PTPN3: variants seen among roughly 807,000 people sequenced by gnomAD.
PTPN3 encodes protein tyrosine phosphatase non-receptor type 3, also known as tyrosine-protein phosphatase non-receptor type 3.
In PTPN3, 96 loss-of-function variants were observed where a neutral mutation model predicts 132.7. The observed-to-expected ratio is 0.72, with a 90% CI of 0.61 to 0.86. The LOEUF is 0.86. Ranked by LOEUF, PTPN3 falls within the 40% of genes least tolerant of loss-of-function variation. PTPN3 has a pLI of 0.00. For missense variants in PTPN3, 1,125 were observed against 1,159.6 expected, an observed-to-expected ratio of 0.97 and a Z score of 0.43; for synonymous variants, 398 against 429.0, an observed-to-expected ratio of 0.93 and a Z score of 0.89.
chr9:109,513,225 T>C, the PTPN3 span, among the ~76,000 whole-genome samples: 1 of 152,102 alleles, frequency 6.6e-6, no homozygotes, highest in Admixed American at 6.5e-5. Flanking sequence ...CTGCTGTGTT[T>C]CCCAGGCTGG....
intron 1 of PTPN3, among the ~76,000 whole-genome samples, chr9:109,486,522 A>G (rs1268043560): frequency 6.6e-6 from 1 of 152,108 alleles, no homozygotes; most frequent in Non-Finnish European, 1.5e-5. Flanking sequence ...TATGGGGGAC[A>G]AGTGAAGAGT....
chr9:109,389,401 A>G lies in PTPN3; in HGVS notation c.2107-22T>C, dbSNP rs1588299264. The G allele has an allele frequency of 1.9e-6, 3 of 1,607,302 alleles. No homozygotes were observed. The East Asian group carries it at 6.7e-5, about 36-fold the overall frequency. ...CCATCTGGTAAGAAATTGGTAAAGT[A>G]TTAGAATCTGTTGCTGCCCCAGGGT... On this transcript the variant is annotated intron_variant, in intron 21 of 25. Coordinates refer to ENST00000374541, the MANE Select transcript of PTPN3 (RefSeq NM_002829.4).
intron 18 of PTPN3, 86 bp downstream of exon 18, chr9:109,406,376 A>G: frequency 6.9e-7 from 1 of 1,440,930 alleles, no homozygotes; most frequent in East Asian, 2.3e-5. Flanking sequence ...CAAACTCAAC[A>G]TTTTCAAGAG....
At chr9:109,408,796 A>AAAAATATATATATATATATAT (rs1377996219) in intron 16 of PTPN3, among the ~76,000 whole-genome samples, 1 of 108,374 alleles carries the variant, frequency 9.2e-6, no homozygotes, top group African/African-American at 3.7e-5. Context: ...AAAAAAAAAA[A>AAAAATATATATATATATATAT]ATATATATAT....
At chr9:109,396,433 C>G (rs1284105513) in intron 19 of PTPN3, among the ~76,000 whole-genome samples, 1 of 151,980 alleles carries the variant, frequency 6.6e-6, no homozygotes, top group Non-Finnish European at 1.5e-5. Context: ...TTGGTTATTC[C>G]TGGGCTGAAG....
intron 22 of PTPN3, among the ~76,000 whole-genome samples, chr9:109,388,846 A>C (rs1314333346): frequency 6.6e-6 from 1 of 152,170 alleles, no homozygotes; most frequent in Non-Finnish European, 1.5e-5. Context: ...GAGCTGCCCA[A>C]ATGGATTCTA....
At chr9:109,393,112 C>A (rs1414778283) in intron 19 of PTPN3, among the ~76,000 whole-genome samples, 3 of 152,124 alleles carry the variant, frequency 2.0e-5, no homozygotes, top group Non-Finnish European at 4.4e-5. Flanking sequence ...CTAATTTGGC[C>A]GTGGAAAATC....
intron 9 of PTPN3, among the ~76,000 whole-genome samples, chr9:109,436,284 T>C (rs1055225498): frequency 8.5e-5 from 13 of 152,208 alleles, no homozygotes; most frequent in African/African-American, 3.1e-4. Context: ...CTCGGTTATG[T>C]CCCTGAGTAT....
At chr9:109,433,393 G>T (rs1843799005) in intron 9 of PTPN3, among the ~76,000 whole-genome samples, 1 of 152,170 alleles carries the variant, frequency 6.6e-6, no homozygotes, top group Non-Finnish European at 1.5e-5. Context: ...GGGTGCCACT[G>T]GTCTAGAAAG....
At chr9:109,457,480 G>A in intron 2 of PTPN3, 81 bp from the exon 3 acceptor site, 2 of 1,122,338 alleles carry the variant, frequency 1.8e-6, no homozygotes, top group Non-Finnish European at 1.3e-6. Flanking sequence ...GCAAAAAAGA[G>A]TTAAAATATT....
intron 5 of PTPN3, chr9:109,450,150 CTAATAT>C: frequency 1.0e-6 from 1 of 984,658 alleles, no homozygotes; most frequent in Non-Finnish European, 1.2e-6. Flanking sequence ...TGTCGTAACT[CTAATAT>C]TATTACTTTG....
chr9:109,527,476 A>G, the PTPN3 span, among the ~76,000 whole-genome samples: 1 of 152,340 alleles, frequency 6.6e-6, no homozygotes, highest in East Asian at 1.9e-4. Context: ...ATAAGTAAAT[A>G]AATAAAAATT....
At chr9:109,386,466 C>A (rs1839589263) in intron 22 of PTPN3, among the ~76,000 whole-genome samples, 1 of 152,058 alleles carries the variant, frequency 6.6e-6, no homozygotes, top group Non-Finnish European at 1.5e-5. Context: ...TCAAGGTGCT[C>A]TCGAATCGGT....
chr9:109,396,554 C>T lies in PTPN3; in HGVS notation c.1954-4993G>A, dbSNP rs117684959. Among the ~76,000 whole-genome samples the T allele has an allele frequency of 7.9e-3, 1,198 of 152,200 alleles. 18 individuals carry two copies. The highest frequency in any genetic ancestry group is 0.059 in the East Asian group (306 of 5,184). ...GTCACAGGGATACAAAATGACAAAA[C>T]CACTGAATTTTATGAAAAATTATTA... On this transcript the variant is annotated intron_variant, in intron 19 of 25. Transcript: ENST00000374541.
the PTPN3 span, among the ~76,000 whole-genome samples, chr9:109,523,131 T>A: frequency 2.0e-5 from 3 of 150,320 alleles, no homozygotes; most frequent in Non-Finnish European, 4.4e-5. Flanking sequence ...TTTTTTTTTT[T>A]AATGAGATGG....
intron 19 of PTPN3, among the ~76,000 whole-genome samples, chr9:109,399,096 T>C (rs970874967): frequency 6.6e-6 from 1 of 152,188 alleles, no homozygotes; most frequent in Non-Finnish European, 1.5e-5. Flanking sequence ...GAATGGCTAA[T>C]GTTGGAGGAT....
At chr9:109,418,927 G>A (rs188723977) in intron 14 of PTPN3, among the ~76,000 whole-genome samples, 21 of 151,738 alleles carry the variant, frequency 1.4e-4, no homozygotes, top group Non-Finnish European at 2.6e-4. Flanking sequence ...TCCCTAAACC[G>A]TTTTCTCCTT....
chr9:109,383,415 C>T lies in PTPN3; in HGVS notation c.2382+8G>A, dbSNP rs751275302. On this transcript the variant is annotated splice_region_variant and intron_variant, in intron 23 of 25. Coordinates refer to ENST00000374541, the MANE Select transcript of PTPN3 (RefSeq NM_002829.4). Reference sequence around the variant, plus strand: ...CCCCTCCACCGTGCCCCTCAGGCTGCGGCTCACCTGGGTGTTTGTGACCAG... The same window carrying T: ...CCCCTCCACCGTGCCCCTCAGGCTGTGGCTCACCTGGGTGTTTGTGACCAG... 1.3e-5 allele frequency: 21 copies of T among 1,613,918 alleles called. No individual in the cohort carries two copies. The highest frequency in any genetic ancestry group is 1.0e-4 in the Admixed American group (6 of 59,982).
At chr9:109,477,610 T>G (rs1197024523) in intron 1 of PTPN3, among the ~76,000 whole-genome samples, 1 of 152,218 alleles carries the variant, frequency 6.6e-6, no homozygotes, top group Non-Finnish European at 1.5e-5. Context: ...TGTCACATGA[T>G]GTCTAAAGGC....
Sources: allele counts gnomAD v4.1 joint callset (sites outside exome capture counted in the v4.1 genomes callset), GRCh38; gene constraint gnomAD v4.1.1; transcripts MANE v1.5; gene names NCBI Gene and HGNC (gene_info 2026-07-23, HGNC 2026-07-21).